The following OCRL variants were observed in gnomAD, a reference collection of about 807,000 sequenced individuals.
OCRL encodes OCRL inositol polyphosphate-5-phosphatase.
A neutral mutation model predicts 78.9 loss-of-function variants in OCRL; 8 were observed. That is an observed-to-expected ratio of 0.10 (90% CI 0.06 to 0.18). The LOEUF is 0.18. Ranked by LOEUF, OCRL falls within the 10% of genes least tolerant of loss-of-function variation. OCRL has a pLI of 1.00. For synonymous variants in OCRL, 240 were observed against 235.4 expected (o/e 1.02, Z -0.18); for missense variants, 454 against 696.7 (o/e 0.65, Z 3.92).
rs750752027 is a variant in OCRL, at chrX:129,586,997, A to G, written c.2140-5A>G. 5 of 1,152,858 alleles carry G rather than the reference A, an allele frequency of 4.3e-6. No homozygotes were observed. The highest frequency in any genetic ancestry group is 5.9e-6 in the Non-Finnish European group (5 of 841,856). The stretch of plus-strand genomic sequence containing the variant: ...CTTTGATTCTCATACTTTTCCATCT[A>G]TTAGGAGAAATCCCTTCTGCAAATG... On this transcript the variant is annotated splice_polypyrimidine_tract_variant and splice_region_variant and intron_variant, in intron 19 of 23. Transcript: ENST00000371113.
At chrX:129,546,835 T>C (rs1432389579) in intron 3 of OCRL, among the ~76,000 whole-genome samples, 1 of 112,044 alleles carries the variant, frequency 8.9e-6, no homozygotes, top group African/African-American at 3.2e-5. Context: ...TGGGAAAATA[T>C]GTGCACACAT....
At chrX:129,574,363 A>G (rs1456049919) in intron 15 of OCRL, among the ~76,000 whole-genome samples, 2 of 112,835 alleles carry the variant, frequency 1.8e-5, no homozygotes, top group Non-Finnish European at 3.7e-5. Flanking sequence ...TTAAAAAAAC[A>G]CAGCTATATC....
intron 8 of OCRL, among the ~76,000 whole-genome samples, chrX:129,559,520 C>T (rs1361389784): frequency 8.9e-6 from 1 of 111,888 alleles, no homozygotes; most frequent in Non-Finnish European, 1.9e-5. Flanking sequence ...TTTCTAACTA[C>T]TAATAATGCC....
intron 13 of OCRL, among the ~76,000 whole-genome samples, chrX:129,566,433 C>T (rs1406277254): frequency 8.9e-6 from 1 of 112,419 alleles, no homozygotes; most frequent in East Asian, 2.8e-4. Flanking sequence ...GCAGGAAAAG[C>T]ATTGAGTTGG....
intron 6 of OCRL, 61 bp downstream of exon 6, chrX:129,558,011 C>A: frequency 1.4e-6 from 1 of 731,533 alleles, no homozygotes; most frequent in Non-Finnish European, 2.2e-6. Flanking sequence ...TAGATTTTGT[C>A]AGGCCAAATA....
In OCRL at chrX:129,590,687, C is replaced by T. The variant is rs1042415908; in HGVS notation, c.*417C>T. The T allele has an allele frequency of 7.7e-5, 15 of 195,226 alleles. No individual in the cohort carries two copies. The highest frequency in any genetic ancestry group is 3.9e-4 in the African/African-American group (13 of 33,128). 16.1% of individuals were successfully genotyped at this position (195,226 alleles called of 1,213,427 possible). On this transcript the variant is annotated 3_prime_UTR_variant, in exon 24 of 24. Transcript: ENST00000371113. ...CTTGTCTAGAGTCCTTTGTTTTGCA[C>T]TTTTGACCCACCCCTTCCTGGATCA... is the stretch of plus-strand genomic sequence containing the variant.
Position 129,569,394 on chromosome X carries a change from A to G in OCRL, c.1597A>G (p.Ile533Val). The change falls in exon 15 of 24, where the codon ATT becomes GTT. Residue 533 changes from isoleucine (I) to valine (V), a missense_variant. By Grantham distance (29) the Ile-to-Val change is conservative (BLOSUM62 3). Coordinates refer to ENST00000371113, the MANE Select transcript of OCRL (RefSeq NM_000276.4). ...DHKPVSALFH[I>V]GVKVVDERRY... ...CAAGCCTGTTAGCGCCCTCTTCCAT[A>G]TTGGGGTAAACACTTGTTTGTACAT... The G allele has an allele frequency of 8.3e-7, 1 of 1,209,562 alleles. No homozygotes were observed. Among genetic ancestry groups the G allele is most frequent in the Non-Finnish European group, 1.1e-6 (1 of 893,604 alleles).
intron 4 of OCRL, among the ~76,000 whole-genome samples, chrX:129,557,082 C>A (rs1241339533): frequency 9.0e-6 from 1 of 111,207 alleles, no homozygotes; most frequent in Non-Finnish European, 1.9e-5. Context: ...TTAGATCGGG[C>A]TGCTCATGGA....
At chrX:129,565,907 G>A in intron 13 of OCRL, 24 bp downstream of exon 13, 1 of 1,025,120 alleles carries the variant, frequency 9.8e-7, no homozygotes, top group South Asian at 1.9e-5. Flanking sequence ...CATTTTATAG[G>A]AACTTTCCTA....
chrX:129,550,801 C>T (rs892646284), intron 4 of OCRL, among the ~76,000 whole-genome samples: 1 of 111,023 alleles, frequency 9.0e-6, no homozygotes, highest in African/African-American at 3.3e-5. Context: ...TAGCTACTAT[C>T]GTTGTACACT....
rs35415909 is a variant in OCRL, at chrX:129,581,725, C to CTGTGTG, written c.2116-2597_2116-2592dup. Among the ~76,000 whole-genome samples the CTGTGTG allele has an allele frequency of 1.2e-3, 111 of 92,274 alleles. 1 individual carries two copies. Among genetic ancestry groups the CTGTGTG allele is most frequent in the East Asian group, 5.1e-3 (14 of 2,763 alleles). The allele number at this position is 92,274 out of a possible 115,157, so 80.1% of individuals were successfully genotyped here. ...ATTATATATATATATATACACACAC[C>CTGTGTG]TGTGTGTGTGTGTGTGTGTGTGTGT... On this transcript the variant is annotated intron_variant, in intron 18 of 23. Transcript: ENST00000371113.
chrX:129,559,912 T>C (rs1936122699), intron 8 of OCRL, among the ~76,000 whole-genome samples: 1 of 112,140 alleles, frequency 8.9e-6, no homozygotes, highest in Admixed American at 9.5e-5. Flanking sequence ...AATGTACCCT[T>C]CTAGTCCAAG....
intron 4 of OCRL, among the ~76,000 whole-genome samples, chrX:129,556,385 T>C (rs1345592196): frequency 1.8e-5 from 2 of 111,525 alleles, no homozygotes; most frequent in Non-Finnish European, 3.8e-5. Flanking sequence ...CATACAGTGC[T>C]GGGACAGTTG....
intron 1 of OCRL, 51 bp from the exon 2 acceptor site, chrX:129,540,693 C>G (rs1935783590): frequency 9.5e-7 from 1 of 1,050,083 alleles, no homozygotes; most frequent in African/African-American, 1.9e-5. Flanking sequence ...CCGCAGTGCA[C>G]CACTCCTCCC....
At chrX:129,573,071 T>C (rs756795835) in intron 15 of OCRL, among the ~76,000 whole-genome samples, 5 of 112,259 alleles carry the variant, frequency 4.5e-5, no homozygotes, top group Non-Finnish European at 7.5e-5. Context: ...AAAATTCATC[T>C]TAAACTAATG....
At chrX:129,559,187 A>G (rs760502362) in intron 8 of OCRL, among the ~76,000 whole-genome samples, 186 bp downstream of exon 8, 21 of 111,983 alleles carry the variant, frequency 1.9e-4, no homozygotes, top group African/African-American at 5.5e-4. Context: ...CAGATGCTAC[A>G]GTTTCCCTTG....
intron 2 of OCRL, among the ~76,000 whole-genome samples, chrX:129,542,394 T>C (rs927514143): frequency 7.5e-5 from 8 of 106,779 alleles, no homozygotes; most frequent in African/African-American, 3.0e-4. Context: ...TAGCAGTTTA[T>C]ATATAAACTA....
chrX:129,549,004 C>G (rs1935925504), intron 4 of OCRL, among the ~76,000 whole-genome samples: 1 of 110,839 alleles, frequency 9.0e-6, no homozygotes, highest in Admixed American at 9.6e-5. Flanking sequence ...TCCCTACCCT[C>G]TTTTTAAATT....
chrX:129,553,217 T>C (rs898266429), intron 4 of OCRL: 1 of 112,350 alleles, frequency 8.9e-6, no homozygotes, highest in African/African-American at 3.2e-5. Flanking sequence ...CCTGATTAAC[T>C]GTTGATTTCT....
Sources: allele counts gnomAD v4.1 joint callset (sites outside exome capture counted in the v4.1 genomes callset), GRCh38; gene constraint gnomAD v4.1.1; transcripts MANE v1.5; gene names NCBI Gene and HGNC (gene_info 2026-07-23, HGNC 2026-07-21).